CNTN3: variants seen among roughly 807,000 people sequenced by gnomAD.
The protein encoded by CNTN3 is contactin-3.
Under a neutral mutation model 119.1 loss-of-function variants are expected in CNTN3, and 60 were observed. The observed-to-expected ratio is 0.50, with a 90% confidence interval of 0.41 to 0.62. CNTN3 has a LOEUF of 0.62. Ranked by LOEUF, CNTN3 falls within the 20% of genes least tolerant of loss-of-function variation. The pLI, the probability that CNTN3 is intolerant of heterozygous loss-of-function variation, is 0.00. For synonymous variants in CNTN3, 450 were observed against 438.7 expected, an observed-to-expected ratio of 1.03 and a Z score of -0.32; for missense variants, 1,101 against 1,242.4, an observed-to-expected ratio of 0.89 and a Z score of 1.71.
chr3:74,314,998 TA>T (rs746419713), intron 13 of CNTN3, among the ~76,000 whole-genome samples: 1 of 152,130 alleles, frequency 6.6e-6, no homozygotes, highest in Non-Finnish European at 1.5e-5. Flanking sequence ...ATCCCATTGG[TA>T]AAACAAAAAT....
chr3:74,369,107 C>T, intron 8 of CNTN3, 82 bp downstream of exon 8: 1 of 1,050,610 alleles, frequency 9.5e-7, no homozygotes. Flanking sequence ...CTGCTATAAT[C>T]TCTCACCCCT....
Position 74,360,337 on chromosome 3 carries a change from C to T in CNTN3, c.1364+1553G>A, listed in dbSNP as rs1704048753. Among the ~76,000 whole-genome samples, 3 of 152,214 alleles carry T rather than the reference C, an allele frequency of 2.0e-5. No individual in the cohort carries two copies. The South Asian group carries it at 6.2e-4, about 32-fold the overall frequency. Reference sequence around the variant, plus strand: ...AATGGCTGAGACCACCTCAAAGATTCTGGGCTCCCTGTACAAAATGTGGCA... The same window carrying T: ...AATGGCTGAGACCACCTCAAAGATTTTGGGCTCCCTGTACAAAATGTGGCA... On this transcript the variant is annotated intron_variant, in intron 11 of 22. Transcript: ENST00000263665.
intron 1 of CNTN3, among the ~76,000 whole-genome samples, chr3:74,522,325 C>T (rs1703555162): frequency 6.6e-6 from 1 of 151,818 alleles, no homozygotes; most frequent in African/African-American, 2.4e-5. Context: ...CCCTCTAGGT[C>T]CACTGGAATC....
chr3:74,530,669 C>T (rs1232916503), intron 1 of CNTN3, among the ~76,000 whole-genome samples: 1 of 151,912 alleles, frequency 6.6e-6, no homozygotes, highest in African/African-American at 2.4e-5. Context: ...GTGCGCCAGA[C>T]ACACAGGGGT....
chr3:74,599,946 G>C (rs1704881095), intron 1 of CNTN3, among the ~76,000 whole-genome samples: 1 of 152,066 alleles, frequency 6.6e-6, no homozygotes, highest in African/African-American at 2.4e-5. Context: ...AAAAAGGATG[G>C]GTGTGATCTT....
At chr3:74,470,173 G>T (rs1253209157) in intron 4 of CNTN3, among the ~76,000 whole-genome samples, 2 of 152,070 alleles carry the variant, frequency 1.3e-5, no homozygotes, top group Non-Finnish European at 2.9e-5. Context: ...TTTAGGGGCT[G>T]GAGTGGGGGG....
chr3:74,466,417 G>A (rs147201598), intron 4 of CNTN3, among the ~76,000 whole-genome samples: 7 of 152,174 alleles, frequency 4.6e-5, no homozygotes, highest in Non-Finnish European at 8.8e-5. Context: ...AGTCAAAAAC[G>A]GAAGAAAGTA....
At chr3:74,577,296 T>A (rs1704433243) in intron 1 of CNTN3, among the ~76,000 whole-genome samples, 1 of 152,196 alleles carries the variant, frequency 6.6e-6, no homozygotes, top group African/African-American at 2.4e-5. Flanking sequence ...CCAAGTGATA[T>A]CAGCAGTTTC....
chr3:74,345,809 A>G (rs888763120), intron 11 of CNTN3, among the ~76,000 whole-genome samples: 1 of 152,202 alleles, frequency 6.6e-6, no homozygotes, highest in Non-Finnish European at 1.5e-5. Context: ...TTCTCTGTTC[A>G]TTTGTTACCA....
chr3:74,359,049 C>A (rs1309340731), intron 11 of CNTN3, among the ~76,000 whole-genome samples: 1 of 151,930 alleles, frequency 6.6e-6, no homozygotes, highest in Non-Finnish European at 1.5e-5. Flanking sequence ...TTTCTACCTT[C>A]CTCCTTGCTG....
intron 1 of CNTN3, among the ~76,000 whole-genome samples, chr3:74,521,665 TTTAGAAAA>T (rs1703545547): frequency 2.6e-5 from 4 of 151,844 alleles, no homozygotes; most frequent in Non-Finnish European, 5.9e-5. Context: ...GACCTATTTT[TTTAGAAAA>T]CTGCAGAAAG....
chr3:74,385,844 C>T (rs1280698269), intron 5 of CNTN3, among the ~76,000 whole-genome samples: 1 of 152,194 alleles, frequency 6.6e-6, no homozygotes, highest in African/African-American at 2.4e-5. Flanking sequence ...AAATATACTT[C>T]AGCCAAATAG....
intron 4 of CNTN3, among the ~76,000 whole-genome samples, chr3:74,427,039 T>A (rs968243599): frequency 1.3e-5 from 2 of 152,164 alleles, no homozygotes; most frequent in Non-Finnish European, 2.9e-5. Flanking sequence ...TAATGTCTCC[T>A]CCAAAGGTAA....
chr3:74,430,200 CA>C lies in CNTN3; in HGVS notation c.359-5261del, dbSNP rs370543903. Among the ~76,000 whole-genome samples, 41 of 152,264 alleles carry C rather than the reference CA, an allele frequency of 2.7e-4. 1 individual carries two copies. The East Asian group carries it at 6.2e-3, about 23-fold the overall frequency. ...ACAAAAATCTGTACATAAAAGTTCG[CA>C]GAGTTTTATGTCTAACAGCCCTAAA... On this transcript the variant is annotated intron_variant, in intron 4 of 22. Transcript: ENST00000263665.
At chr3:74,418,987 C>G (rs13080280) in intron 5 of CNTN3, among the ~76,000 whole-genome samples, 89,052 of 150,228 alleles carry the variant, frequency 0.59, 28,948 homozygotes, top group East Asian at 0.81. Flanking sequence ...AGTAGCGGGG[C>G]AGTTTCGCCA....
chr3:74,306,970 C>T (rs1016582206), intron 13 of CNTN3, among the ~76,000 whole-genome samples: 2 of 152,046 alleles, frequency 1.3e-5, no homozygotes, highest in African/African-American at 4.8e-5. Context: ...GTAATGTAAA[C>T]CCAAAGTACA....
At chr3:74,475,941 T>A (rs1702646188) in intron 4 of CNTN3, among the ~76,000 whole-genome samples, 1 of 152,176 alleles carries the variant, frequency 6.6e-6, no homozygotes, top group Admixed American at 6.6e-5. Flanking sequence ...ACCATACATT[T>A]TGTGCCACAT....
At chr3:74,424,169 A>G (rs939633744) in intron 5 of CNTN3, among the ~76,000 whole-genome samples, 3 of 152,080 alleles carry the variant, frequency 2.0e-5, no homozygotes, top group Non-Finnish European at 4.4e-5. Context: ...TGCAATAGAG[A>G]GCACGATAGG....
intron 3 of CNTN3, among the ~76,000 whole-genome samples, chr3:74,492,269 G>T (rs1183009061): frequency 6.6e-6 from 1 of 152,102 alleles, no homozygotes; most frequent in Admixed American, 6.6e-5. Flanking sequence ...TTGTGTGAAG[G>T]TTCTATGTGA....
Sources: allele counts gnomAD v4.1 joint callset (sites outside exome capture counted in the v4.1 genomes callset), GRCh38; gene constraint gnomAD v4.1.1; transcripts MANE v1.5; gene names NCBI Gene and HGNC (gene_info 2026-07-23, HGNC 2026-07-21).